The following PRKN variants were observed in gnomAD, a reference collection of about 807,000 sequenced individuals.
PRKN encodes E3 ubiquitin-protein ligase parkin.
Under a neutral mutation model 59.5 loss-of-function variants are expected in PRKN, and 56 were observed. The ratio of observed to expected loss-of-function variants is 0.94; its 90% CI spans 0.76 to 1.18. The LOEUF is 1.18. PRKN is among the 50% of genes most tolerant of loss of function. The pLI is 0.00. For synonymous variants in PRKN, 250 were observed against 222.1 expected, an observed-to-expected ratio of 1.13 and a Z score of -1.12; for missense variants, 657 against 596.4, an observed-to-expected ratio of 1.10 and a Z score of -1.06.
In PRKN at chr6:161,360,373, T is replaced by G. The variant is rs916426146; in HGVS notation, c.1168-168A>C. Among the ~76,000 whole-genome samples the G allele has an allele frequency of 1.3e-5, 2 of 152,188 alleles. No individual in the cohort carries two copies. The highest frequency in any genetic ancestry group is 2.9e-5 in the Non-Finnish European group (2 of 68,026). ...AAATGCTAGACAGCTACTAGGCGGA[T>G]GGGGACACTCTCCCTGGCATGTGGC... On this transcript the variant is annotated intron_variant, in intron 10 of 11. Transcript: ENST00000366898. This position sits in a 1 kb window ranked among gnomAD's most constrained non-coding sequence, Gnocchi z 5.1.
chr6:161,828,097 T>C (rs1792322862), intron 6 of PRKN, among the ~76,000 whole-genome samples: 4 of 152,284 alleles, frequency 2.6e-5, no homozygotes, highest in Admixed American at 2.0e-4. Context: ...AAAATAAGAA[T>C]CTGAATAAAT....
chr6:161,905,065 A>G (rs1778090524), intron 6 of PRKN, among the ~76,000 whole-genome samples: 1 of 152,200 alleles, frequency 6.6e-6, no homozygotes, highest in African/African-American at 2.4e-5. Flanking sequence ...TCCACCACGT[A>G]AAATAAAGAA....
intron 8 of PRKN, among the ~76,000 whole-genome samples, chr6:161,559,489 A>G (rs796589060): frequency 1.4e-4 from 21 of 152,346 alleles, no homozygotes; most frequent in African/African-American, 5.1e-4. Flanking sequence ...GGTAGCACCT[A>G]AATCTGCAAA....
intron 4 of PRKN, among the ~76,000 whole-genome samples, chr6:162,166,521 T>C (rs1018511759): frequency 2.6e-5 from 4 of 152,110 alleles, no homozygotes; most frequent in African/African-American, 9.7e-5. Flanking sequence ...ATAAAATCTA[T>C]CTGAAAAACT....
Position 161,971,358 on chromosome 6 carries a change from G to A in PRKN, c.734+1944C>T, listed in dbSNP as rs1190788738. On this transcript the variant is annotated intron_variant, in intron 6 of 11. Coordinates refer to ENST00000366898, the MANE Select transcript of PRKN (RefSeq NM_004562.3). ...TCATGTTTACCAACCTTAATGGAAA[G>A]TTTAAAATACTGGCTGATGAGCTGT... Among the ~76,000 whole-genome samples the A allele has an allele frequency of 2.0e-5, 3 of 152,180 alleles. No individual in the cohort carries two copies. The East Asian group carries it at 5.8e-4, about 29-fold the overall frequency.
chr6:162,651,641 G>C (rs555270721), intron 1 of PRKN, among the ~76,000 whole-genome samples: 3 of 152,210 alleles, frequency 2.0e-5, no homozygotes, highest in African/African-American at 7.2e-5. Flanking sequence ...AAGTTATACT[G>C]TGCTCACACT....
chr6:162,363,453 AAATAT>A (rs761841600), intron 2 of PRKN, among the ~76,000 whole-genome samples: 57 of 152,232 alleles, frequency 3.7e-4, no homozygotes, highest in Non-Finnish European at 6.9e-4. Flanking sequence ...AGTAGCTAAT[AAATAT>A]GTCTATTTGA....
intron 1 of PRKN, among the ~76,000 whole-genome samples, chr6:162,721,449 A>G (rs1052433302): frequency 6.6e-6 from 1 of 152,132 alleles, no homozygotes; most frequent in Non-Finnish European, 1.5e-5. Flanking sequence ...CGCCAACTTT[A>G]AACCTACCTC....
intron 10 of PRKN, among the ~76,000 whole-genome samples, chr6:161,382,665 G>A (rs751427915): frequency 3.9e-5 from 6 of 152,176 alleles, no homozygotes; most frequent in East Asian, 1.9e-4. Flanking sequence ...CTGGACTCTC[G>A]TTAGTCTGTG....
At chr6:162,112,657 T>G (rs547911184) in intron 4 of PRKN, among the ~76,000 whole-genome samples, 1 of 152,152 alleles carries the variant, frequency 6.6e-6, no homozygotes, top group Non-Finnish European at 1.5e-5. Context: ...GGCTCATGTG[T>G]ATAATCCCAG....
intron 7 of PRKN, among the ~76,000 whole-genome samples, chr6:161,605,915 G>T (rs1433228172): frequency 6.6e-6 from 1 of 152,136 alleles, no homozygotes; most frequent in Non-Finnish European, 1.5e-5. Flanking sequence ...GAAAATAGGG[G>T]CTCTACAGCA....
At chr6:161,990,023 C>T (rs1334170557) in intron 5 of PRKN, among the ~76,000 whole-genome samples, 2 of 152,144 alleles carry the variant, frequency 1.3e-5, no homozygotes, top group African/African-American at 4.8e-5. Flanking sequence ...ATGTGGCTTG[C>T]CACTACTATT....
intron 9 of PRKN, among the ~76,000 whole-genome samples, chr6:161,511,821 A>AG (rs1397428818): frequency 6.7e-6 from 1 of 148,374 alleles, no homozygotes; most frequent in Non-Finnish European, 1.5e-5. Context: ...GGTTGATCTT[A>AG]GGAAAAAAAA....
At chr6:161,978,496 G>A (rs993650491) in intron 5 of PRKN, among the ~76,000 whole-genome samples, 3 of 152,252 alleles carry the variant, frequency 2.0e-5, no homozygotes, top group Admixed American at 6.5e-5. Flanking sequence ...TCCACCTTGG[G>A]TGTCTGAGAT....
chr6:162,569,552 G>A (rs2128208287), intron 1 of PRKN: 1 of 717,404 alleles, frequency 1.4e-6, no homozygotes, highest in Non-Finnish European at 2.6e-6. Context: ...TCTGAGCTTG[G>A]CCTATGGGGG....
chr6:161,367,362 G>C (rs1785250946), intron 10 of PRKN, among the ~76,000 whole-genome samples: 1 of 152,066 alleles, frequency 6.6e-6, no homozygotes, highest in African/African-American at 2.4e-5. Context: ...TTGCAGTGGG[G>C]GTGGGGTTCA....
chr6:161,761,577 G>T (rs1480750621), intron 7 of PRKN, among the ~76,000 whole-genome samples: 1 of 152,132 alleles, frequency 6.6e-6, no homozygotes, highest in Non-Finnish European at 1.5e-5. Flanking sequence ...TAAAAATACA[G>T]AACTGTAAGC....
chr6:162,441,499 C>A (rs1275950067), intron 2 of PRKN, among the ~76,000 whole-genome samples: 1 of 152,090 alleles, frequency 6.6e-6, no homozygotes, highest in Non-Finnish European at 1.5e-5. Flanking sequence ...ACCTTTAAAA[C>A]TTCATAATAT....
rs1464276109 is a variant in PRKN, at chr6:161,409,251, C to T, written c.1084-22374G>A. ...GAGCCACCACCCCCGGCCAGGAGAACACATTTTTAAACTCTGTGGTAATGG... is the reference window on the plus strand; with the variant it reads ...GAGCCACCACCCCCGGCCAGGAGAATACATTTTTAAACTCTGTGGTAATGG... On this transcript the variant is annotated intron_variant, in intron 9 of 11. Coordinates refer to ENST00000366898, the MANE Select transcript of PRKN (RefSeq NM_004562.3). This position sits in a 1 kb window ranked among gnomAD's most constrained non-coding sequence, Gnocchi z 4.6. 6.6e-6 allele frequency among the ~76,000 whole-genome samples: 1 copy of T among 152,112 alleles called. No individual in the cohort carries two copies. The highest frequency in any genetic ancestry group is 1.5e-5 in the Non-Finnish European group (1 of 68,042).
Sources: gnomAD v4.1 joint callset for allele counts (sites outside exome capture counted in the v4.1 genomes callset) on GRCh38, gnomAD v4.1.1 for gene constraint, Gnocchi (gnomAD v3.1) non-coding constraint, MANE v1.5 for transcripts, NCBI Gene and HGNC (gene_info 2026-07-23, HGNC 2026-07-21) for gene names.